Variants in NWD2 observed in about 807,000 individuals in gnomAD.
NWD2 encodes the protein NACHT and WD repeat domain containing 2, also known as NACHT and WD repeat domain-containing protein 2.
Under a neutral mutation model 132.7 loss-of-function variants are expected in NWD2, and 37 were observed. That is an observed-to-expected ratio of 0.28 (90% CI 0.21 to 0.37). NWD2 has a LOEUF of 0.37. NWD2 is among the 10% of genes least tolerant of loss of function. The pLI is 1.00. For synonymous variants in NWD2, 705 were observed against 803.0 expected (o/e 0.88, Z 2.06); for missense variants, 1,592 against 2,122.4 (o/e 0.75, Z 4.91).
At position 37,373,552 on chromosome 4, in the gene NWD2, T is replaced by G. The variant is rs556782180; in HGVS notation, c.357+17070T>G. ...AACCCATTACTGGTTTGTAATACCT[T>G]AATAGCACTGCATTATGGGAATTCT... On this transcript the variant is annotated intron_variant, in intron 3 of 6. Coordinates refer to ENST00000309447, the MANE Select transcript of NWD2 (RefSeq NM_001144990.2). Among the ~76,000 whole-genome samples the G allele has an allele frequency of 8.5e-5, 13 of 152,356 alleles. No homozygotes were observed. In the South Asian group the frequency reaches 2.3e-3, roughly 27 times the overall value.
chr4:37,392,819 G>A (rs917733766), intron 3 of NWD2, among the ~76,000 whole-genome samples: 7 of 152,200 alleles, frequency 4.6e-5, no homozygotes, highest in South Asian at 4.2e-4. Flanking sequence ...TCACCTTAAC[G>A]TTGTCTCCAC....
In NWD2 at chr4:37,448,106, A is replaced by G. The variant is rs1161008917; in HGVS notation, c.*889A>G. 3 of 152,198 alleles carry G rather than the reference A, an allele frequency of 2.0e-5. No individual in the cohort carries two copies. Among genetic ancestry groups the G allele is most frequent in the African/African-American group, 7.2e-5 (3 of 41,444 alleles). 9.4% of individuals were successfully genotyped at this position (152,198 alleles called of 1,614,324 possible). On this transcript the variant is annotated 3_prime_UTR_variant, in exon 7 of 7. Transcript: ENST00000309447. ...AGTCTGTACTATTTGGTCAGTTTGTATGGAAGCATAAATATTCCCTAAATT... is the reference window on the plus strand; with the variant it reads ...AGTCTGTACTATTTGGTCAGTTTGTGTGGAAGCATAAATATTCCCTAAATT...
chr4:37,288,149 A>G (rs1042173817), intron 1 of NWD2, among the ~76,000 whole-genome samples: 1 of 152,128 alleles, frequency 6.6e-6, no homozygotes, highest in Non-Finnish European at 1.5e-5. Flanking sequence ...AACACACACC[A>G]GGGCCTCTTA....
chr4:37,296,987 A>G (rs1718508995), intron 1 of NWD2, among the ~76,000 whole-genome samples: 1 of 152,170 alleles, frequency 6.6e-6, no homozygotes, highest in South Asian at 2.1e-4. Flanking sequence ...AAAATCAACT[A>G]TAATTTGGGA....
intron 3 of NWD2, among the ~76,000 whole-genome samples, chr4:37,380,477 G>C (rs892794613): frequency 1.3e-5 from 2 of 152,132 alleles, no homozygotes; most frequent in Non-Finnish European, 2.9e-5. Context: ...TATAAAGTTT[G>C]AATAATATTA....
At chr4:37,375,312 T>G (rs1219523979) in intron 3 of NWD2, among the ~76,000 whole-genome samples, 2 of 152,246 alleles carry the variant, frequency 1.3e-5, no homozygotes, top group Non-Finnish European at 2.9e-5. Flanking sequence ...AACAATTGCC[T>G]ATAATCTCAT....
chr4:37,447,185 G>T lies in NWD2; in HGVS notation c.5197G>T (p.Ala1733Ser). 6.4e-7 allele frequency: 1 copy of T among 1,551,172 alleles called. No homozygotes were observed. Among genetic ancestry groups the T allele is most frequent in the African/African-American group, 1.4e-5 (1 of 73,148 alleles). The part of the protein sequence containing the change: ...CYERVCSALE[A>S]RGHSYAPDN ...TGAGCGGGTATGCTCGGCCCTAGAA[G>T]CCAGGGGCCACAGCTATGCCCCTGA... The change falls in exon 7 of 7, where the codon GCC becomes TCC. Residue 1733 changes from alanine (A) to serine (S), a missense_variant. Physicochemically the swap from Ala to Ser is moderately conservative, Grantham distance 99. Coordinates refer to ENST00000309447, the MANE Select transcript of NWD2 (RefSeq NM_001144990.2).
intron 1 of NWD2, among the ~76,000 whole-genome samples, chr4:37,283,903 T>G (rs1208729944): frequency 6.6e-6 from 1 of 152,208 alleles, no homozygotes; most frequent in Non-Finnish European, 1.5e-5. Flanking sequence ...TTCTCATCAC[T>G]TAAGGAGGTG....
At chr4:37,304,684 A>G (rs556819747) in intron 1 of NWD2, among the ~76,000 whole-genome samples, 2 of 152,196 alleles carry the variant, frequency 1.3e-5, no homozygotes, top group East Asian at 1.9e-4. Flanking sequence ...CCCCAAAATA[A>G]TCTTTGACCC....
chr4:37,336,477 G>A (rs1424037726), intron 2 of NWD2, among the ~76,000 whole-genome samples: 1 of 152,192 alleles, frequency 6.6e-6, no homozygotes, highest in African/African-American at 2.4e-5. Flanking sequence ...TAGTAGTGGG[G>A]TCTGTCTGGG....
chr4:37,377,004 T>C (rs909877220), intron 3 of NWD2, among the ~76,000 whole-genome samples: 1 of 152,230 alleles, frequency 6.6e-6, no homozygotes, highest in African/African-American at 2.4e-5. Context: ...GATGTCATGA[T>C]TCCATCTAGC....
At chr4:37,272,495 G>C (rs775794991) in intron 1 of NWD2, among the ~76,000 whole-genome samples, 12 of 151,712 alleles carry the variant, frequency 7.9e-5, no homozygotes, top group Non-Finnish European at 1.5e-4. Flanking sequence ...TCTTGCAACA[G>C]TTCTGTTATA....
intron 3 of NWD2, among the ~76,000 whole-genome samples, chr4:37,359,353 T>A (rs1322488258): frequency 3.3e-5 from 5 of 151,892 alleles, no homozygotes. Flanking sequence ...CGATCCTAAA[T>A]CACACAAGGC....
In NWD2 at chr4:37,444,398, G is replaced by A. The variant is rs944582294; in HGVS notation, c.2410G>A (p.Ala804Thr). Reference sequence around the variant, plus strand: ...GGAAGAAAAGCACTTCATGGAACAGGCTTCCTTTGACAGGCAGGCTCCAGA... The same window carrying A: ...GGAAGAAAAGCACTTCATGGAACAGACTTCCTTTGACAGGCAGGCTCCAGA... ...LEEEKHFMEQ[A>T]SFDRQAPDQP... Residue 804 changes from alanine (A) to threonine (T), a missense_variant, in exon 7 of 7, where the codon GCT (alanine) becomes ACT (threonine). Coordinates refer to ENST00000309447, the MANE Select transcript of NWD2 (RefSeq NM_001144990.2). The surrounding 1 kb of genome is among the most constrained non-coding windows in gnomAD (Gnocchi z 4.8). The A allele has an allele frequency of 2.6e-6, 4 of 1,552,024 alleles. No homozygotes were observed. In the African/African-American group the frequency reaches 4.1e-5, roughly 16 times the overall value.
chr4:37,348,675 T>TATATACACACACACAC (rs1308407988), intron 2 of NWD2, among the ~76,000 whole-genome samples: 3 of 22,574 alleles, frequency 1.3e-4, no homozygotes, highest in African/African-American at 5.4e-4. Context: ...TATATATATA[T>TATATACACACACACAC]ACACACACAC....
At chr4:37,409,104 C>A (rs1418186389) in intron 3 of NWD2, among the ~76,000 whole-genome samples, 1 of 152,054 alleles carries the variant, frequency 6.6e-6, no homozygotes, top group Admixed American at 6.5e-5. Context: ...CTCTTCTCCT[C>A]CAAAGGATCA....
intron 2 of NWD2, among the ~76,000 whole-genome samples, chr4:37,349,956 T>C (rs1719727114): frequency 6.6e-6 from 1 of 152,192 alleles, no homozygotes; most frequent in African/African-American, 2.4e-5. Context: ...CTTTCCCCAT[T>C]GCTTGTTTTT....
intron 3 of NWD2, among the ~76,000 whole-genome samples, chr4:37,394,542 C>T (rs559379245): frequency 4.6e-5 from 7 of 152,290 alleles, no homozygotes; most frequent in East Asian, 1.9e-4. Flanking sequence ...AGATTGCCCA[C>T]TCCAACAGTT....
intron 1 of NWD2, among the ~76,000 whole-genome samples, chr4:37,277,169 C>G (rs1645955148): frequency 6.6e-6 from 1 of 151,374 alleles, no homozygotes; most frequent in Admixed American, 6.6e-5. Flanking sequence ...TTGTACCGAT[C>G]CTCTGCAGTA....
Sources: gnomAD v4.1 joint callset for allele counts (sites outside exome capture counted in the v4.1 genomes callset) on GRCh38, gnomAD v4.1.1 for gene constraint, Gnocchi (gnomAD v3.1) non-coding constraint, MANE v1.5 for transcripts, NCBI Gene and HGNC (gene_info 2026-07-23, HGNC 2026-07-21) for gene names.